PABPN1L: variants seen among roughly 807,000 people sequenced by gnomAD.
PABPN1L encodes the protein PABPN1 like, cytoplasmic.
In PABPN1L, 45 loss-of-function variants were observed where a neutral mutation model predicts 34.0. The observed-to-expected ratio is 1.32, with a 90% CI of 1.04 to 1.70. PABPN1L has a LOEUF of 1.70. PABPN1L is among the 40% of genes most tolerant of loss of function. The probability of loss-of-function intolerance (pLI) is 0.00; values close to 1 mark genes in which losing one functional copy is unlikely to be tolerated. For missense variants in PABPN1L, 459 were observed against 367.8 expected (o/e 1.25, Z -2.03); for synonymous variants, 182 against 152.1 (o/e 1.20, Z -1.45).
chr16:88,863,942 C>T, intron 6 of PABPN1L, 147 bp from the exon 7 acceptor site: 3 of 928,794 alleles, frequency 3.2e-6, no homozygotes, highest in Non-Finnish European at 4.8e-6. Context: ...TGACTCCCAG[C>T]TGCTCTCTTG....
intron 1 of PABPN1L, 109 bp from the exon 2 acceptor site, chr16:88,866,050 C>T (rs576660184): frequency 6.3e-6 from 9 of 1,432,432 alleles, no homozygotes; most frequent in African/African-American, 2.9e-5. Context: ...CAAGGGGCAG[C>T]CCTTCTCTGG....
At chr16:88,863,372 TCAC>T in exon 7 of PABPN1L, 1 of 328,342 alleles carries the variant, frequency 3.0e-6, no homozygotes, top group South Asian at 3.5e-5. Flanking sequence ...AATTTATGCT[TCAC>T]CATTAAGACA....
chr16:88,867,638 C>T (rs1029640912), upstream of PABPN1L, among the ~76,000 whole-genome samples: 6 of 151,922 alleles, frequency 3.9e-5, no homozygotes, highest in Non-Finnish European at 8.8e-5. Context: ...GCGGGGTCTC[C>T]GTGGGGAGTG....
At chr16:88,864,900 C>T (rs1196498301) in exon 5 of PABPN1L, 14 of 1,611,242 alleles carry the variant, frequency 8.7e-6, no homozygotes, top group African/African-American at 1.3e-5. Flanking sequence ...TCCACGGCGG[C>T]CTGCACGGAG....
chr16:88,865,080 A>C, exon 4 of PABPN1L: 3 of 1,593,860 alleles, frequency 1.9e-6, no homozygotes, highest in Non-Finnish European at 2.6e-6. Flanking sequence ...ACCTCCCCAC[A>C]GCGGCTGAAG....
At chr16:88,866,548 G>A (rs909731345) in exon 1 of PABPN1L, 26 of 1,552,172 alleles carry the variant, frequency 1.7e-5, no homozygotes, top group South Asian at 8.3e-5. Flanking sequence ...TGAGGAGACC[G>A]TCTGGAGCCA....
At position 88,864,963 on chromosome 16, in the gene PABPN1L, G is replaced by GAGGGA. The variant is rs757907205; in HGVS notation, c.567-24_567-23insTCCCT. 4 of 1,598,968 alleles carry GAGGGA rather than the reference G, an allele frequency of 2.5e-6. No homozygotes were observed. The African/African-American group carries it at 4.0e-5, about 16-fold the overall frequency. On this transcript the variant is annotated intron_variant, in intron 4 of 6. Coordinates refer to ENST00000419291, the Ensembl canonical transcript of PABPN1L. ...TAACTGAGGGGAGGGGCAGGGAGGG[G>GAGGGA]AGGGGTGAGGCTGGGCCCTGTCCGC...
intron 1 of PABPN1L, 149 bp from the exon 2 acceptor site, chr16:88,866,090 C>T (rs1393699510): frequency 5.2e-6 from 7 of 1,353,286 alleles, no homozygotes; most frequent in Non-Finnish European, 6.8e-6. Context: ...GGGCAGCTGG[C>T]TGGGGATGAA....
At position 88,864,955 on chromosome 16, in the gene PABPN1L, A is replaced by AGGGTG; in HGVS notation, c.567-16_567-15insCACCC. On this transcript the variant is annotated splice_polypyrimidine_tract_variant and intron_variant, in intron 4 of 6. Coordinates refer to ENST00000419291, the Ensembl canonical transcript of PABPN1L. ...TGTAGGCATAACTGAGGGGAGGGGC[A>AGGGTG]GGGAGGGGAGGGGTGAGGCTGGGCC... The AGGGTG allele has an allele frequency of 2.4e-6, 3 of 1,250,052 alleles. No individual in the cohort carries two copies. The highest frequency in any genetic ancestry group is 3.4e-6 in the Non-Finnish European group (3 of 873,380). 77.4% of individuals were successfully genotyped at this position (1,250,052 alleles called of 1,614,324 possible).
At position 88,864,426 on chromosome 16, in the gene PABPN1L, C is replaced by A. The variant is rs1294406743; in HGVS notation, c.655-47G>T. 2.6e-6 allele frequency: 4 copies of A among 1,522,846 alleles called. No homozygotes were observed. The East Asian group carries it at 7.4e-5, about 28-fold the overall frequency. 94.3% of individuals were successfully genotyped at this position (1,522,846 alleles called of 1,614,324 possible). On this transcript the variant is annotated intron_variant, in intron 5 of 6. Transcript: ENST00000419291. ...AGTCCTCCTCAAGGAGCAGCCGAGA[C>A]CCAGCTCACAGCCCCCGCAGCCCCC...
In PABPN1L at chr16:88,865,680, C is replaced by T. The variant is rs1460119306; in HGVS notation, c.392-50G>A. On this transcript the variant is annotated intron_variant, in intron 2 of 6. Coordinates refer to ENST00000419291, the Ensembl canonical transcript of PABPN1L. ...GCAGGCCCTTGGTTCCTTCCTCACT[C>T]CTCTCACGGGGAAGGTCGCCCAGGC... 3.8e-6 allele frequency: 6 copies of T among 1,566,044 alleles called. No homozygotes were observed. In the Admixed American group the frequency reaches 7.3e-5, roughly 19 times the overall value.
At chr16:88,867,622 T>C (rs1212199608), upstream of PABPN1L, among the ~76,000 whole-genome samples, 1 of 151,660 alleles carries the variant, frequency 6.6e-6, no homozygotes, top group Non-Finnish European at 1.5e-5. Context: ...CGTGAGTTAT[T>C]GTGGGGCGGG....
chr16:88,863,731 CCTCT>C, exon 7 of PABPN1L: 1 of 1,535,786 alleles, frequency 6.5e-7, no homozygotes, highest in South Asian at 1.2e-5. Flanking sequence ...GGCCCCAGCC[CCTCT>C]CTCAAAATCG....
intron 3 of PABPN1L, 56 bp from the exon 4 acceptor site, chr16:88,865,184 CTTCTTGTTAG>C: frequency 6.6e-7 from 1 of 1,525,876 alleles, no homozygotes; most frequent in Non-Finnish European, 8.9e-7. Flanking sequence ...GACTCGGGGC[CTTCTTGTTAG>C]AGGTGAGGAA....
At chr16:88,864,604 G>A (rs1651978293) in intron 5 of PABPN1L, among the ~76,000 whole-genome samples, 1 of 151,824 alleles carries the variant, frequency 6.6e-6, no homozygotes, top group Admixed American at 6.6e-5. Flanking sequence ...CTGCAGAGGG[G>A]GGGGTCACGG....
At chr16:88,864,201 C>CCGCCCGGTACAT in intron 6 of PABPN1L, 36 bp downstream of exon 6, 1 of 1,537,072 alleles carries the variant, frequency 6.5e-7, no homozygotes, top group South Asian at 1.2e-5. Context: ...CACCATGGCC[C>CCGCCCGGTACAT]TCGCCCCCAG....
chr16:88,864,466 T>C lies in PABPN1L; in HGVS notation c.655-87A>G, dbSNP rs1390434691. 7 of 1,462,040 alleles carry C rather than the reference T, an allele frequency of 4.8e-6. No homozygotes were observed. In the East Asian group the frequency reaches 7.5e-5, roughly 16 times the overall value. The allele number at this position is 1,462,040 out of a possible 1,614,324, so 90.6% of individuals were successfully genotyped here. ...CCGCAGCCCCCACCACCCCGGAGCA[T>C]GGGGTCCTGCCCGGCTCAGGATACC... On this transcript the variant is annotated intron_variant, in intron 5 of 6. Transcript: ENST00000419291.
chr16:88,866,104 G>A (rs988370152), intron 1 of PABPN1L, among the ~76,000 whole-genome samples, 163 bp from the exon 2 acceptor site: 2 of 152,176 alleles, frequency 1.3e-5, no homozygotes, highest in African/African-American at 4.8e-5. Flanking sequence ...GGATGAACTC[G>A]CCCCTGCAGA....
At chr16:88,864,712 A>G (rs893321630) in intron 5 of PABPN1L, 141 bp downstream of exon 5, 1 of 1,011,884 alleles carries the variant, frequency 9.9e-7, no homozygotes. Flanking sequence ...GGGTCCCGCC[A>G]CATCCTGTCC....
Sources: gnomAD v4.1 joint callset for allele counts (sites outside exome capture counted in the v4.1 genomes callset) on GRCh38, gnomAD v4.1.1 for gene constraint, MANE v1.5 for transcripts, NCBI Gene and HGNC (gene_info 2026-07-23, HGNC 2026-07-21) for gene names.